Variants in ATP2C1 observed in about 807,000 individuals in gnomAD.
ATP2C1 encodes calcium-transporting ATPase type 2C member 1.
Under a neutral mutation model 120.5 loss-of-function variants are expected in ATP2C1, and 31 were observed. The observed-to-expected ratio is 0.26, with a 90% CI of 0.19 to 0.35. The LOEUF is 0.35. Among genes scored for constraint, ATP2C1 ranks in the 10% least tolerant of loss-of-function variants. The pLI, the probability that ATP2C1 is intolerant of heterozygous loss-of-function variation, is 1.00. For synonymous variants in ATP2C1, 351 were observed against 358.7 expected, an observed-to-expected ratio of 0.98 and a Z score of 0.24; for missense variants, 731 against 1,107.5, an observed-to-expected ratio of 0.66 and a Z score of 4.83.
intron 2 of ATP2C1, among the ~76,000 whole-genome samples, chr3:130,925,490 A>G (rs2059163608): frequency 6.6e-6 from 1 of 152,110 alleles, no homozygotes; most frequent in Admixed American, 6.5e-5. Context: ...TGGGGAGTGA[A>G]GTAGACTCTG....
intron 11 of ATP2C1, among the ~76,000 whole-genome samples, chr3:130,957,965 T>G (rs532947635): frequency 1.3e-5 from 2 of 152,348 alleles, no homozygotes; most frequent in African/African-American, 4.8e-5. Flanking sequence ...TTAGTTATTT[T>G]TGTTTTACTG....
intron 13 of ATP2C1, 110 bp from the exon 14 acceptor site, chr3:130,964,838 C>T: frequency 1.4e-6 from 1 of 715,134 alleles, no homozygotes; most frequent in Non-Finnish European, 2.4e-6. Context: ...AGTTTGATTT[C>T]TATAAAATTC....
intron 16 of ATP2C1, among the ~76,000 whole-genome samples, chr3:130,968,282 AG>A: frequency 6.6e-6 from 1 of 152,212 alleles, no homozygotes; most frequent in East Asian, 1.9e-4. Context: ...ATGCTTATAA[AG>A]ATATTAGTTT....
At chr3:130,923,317 C>T (rs867813529) in intron 2 of ATP2C1, among the ~76,000 whole-genome samples, 2 of 151,902 alleles carry the variant, frequency 1.3e-5, no homozygotes, top group African/African-American at 2.4e-5. Flanking sequence ...ACCTCTGCCT[C>T]CCAGGTTCAA....
chr3:130,930,183 T>C (rs2059393515), intron 2 of ATP2C1: 1 of 501,460 alleles, frequency 2.0e-6, no homozygotes, highest in African/African-American at 1.9e-5. Context: ...AATGTGAAAA[T>C]TTTGTGTTCT....
intron 1 of ATP2C1, among the ~76,000 whole-genome samples, chr3:130,887,667 A>G (rs2069021103): frequency 6.6e-6 from 1 of 151,926 alleles, no homozygotes; most frequent in African/African-American, 2.4e-5. Context: ...TTAAAGTTCA[A>G]AGGATCTTCA....
intron 2 of ATP2C1, among the ~76,000 whole-genome samples, chr3:130,920,405 A>G (rs2058899148): frequency 6.6e-6 from 1 of 152,094 alleles, no homozygotes; most frequent in African/African-American, 2.4e-5. Flanking sequence ...TTTTACATGT[A>G]GATATGAAGT....
chr3:130,922,991 T>A (rs1559927388), intron 2 of ATP2C1, among the ~76,000 whole-genome samples: 1 of 152,322 alleles, frequency 6.6e-6, no homozygotes, highest in East Asian at 1.9e-4. Flanking sequence ...TAGGGTATAG[T>A]CTTAAGTCCA....
At chr3:130,893,925 T>G (rs1576610685), upstream of ATP2C1, 1 of 985,636 alleles carries the variant, frequency 1.0e-6, no homozygotes, top group Non-Finnish European at 1.2e-6. Flanking sequence ...TCACTTCACT[T>G]CCGCCTTCCC....
At chr3:130,896,552 AT>A (rs1348260795) in intron 2 of ATP2C1, among the ~76,000 whole-genome samples, 1 of 152,168 alleles carries the variant, frequency 6.6e-6, no homozygotes, top group Non-Finnish European at 1.5e-5. Context: ...GACTGACCAT[AT>A]TAAACTACAT....
intron 19 of ATP2C1, 33 bp from the exon 20 acceptor site, chr3:130,980,549 G>A (rs201255762): frequency 6.6e-7 from 1 of 1,516,204 alleles, no homozygotes; most frequent in East Asian, 2.3e-5. Context: ...AAAACAATTT[G>A]GTTTATTACA....
chr3:130,967,331 C>T lies in ATP2C1; in HGVS notation c.1220C>T (p.Ala407Val), dbSNP rs201854784. 6.1e-5 allele frequency: 99 copies of T among 1,613,414 alleles called. No homozygotes were observed. Among genetic ancestry groups the T allele is most frequent in the African/African-American group, 3.1e-4 (23 of 74,918 alleles). The change falls in exon 16 of 28, where the codon GCG (alanine) becomes GTG (valine). Residue 407 changes from alanine to valine, a missense_variant and splice_region_variant. Ala to Val is a moderately conservative substitution (Grantham distance 64). Coordinates refer to ENST00000510168, the MANE Select transcript of ATP2C1 (RefSeq NM_001378687.1). ...YNPAVSRIVE[A>V]GCVCNDAVIR... is the part of the protein sequence containing the mutation. ...ATAGTTTATGTGTATTTTTCTTAGGCGGGCTGTGTGTGCAATGATGCTGTA... is the reference window on the plus strand; with the variant it reads ...ATAGTTTATGTGTATTTTTCTTAGGTGGGCTGTGTGTGCAATGATGCTGTA...
At chr3:130,867,068 G>T (rs1020009657) in intron 1 of ATP2C1, among the ~76,000 whole-genome samples, 1 of 152,116 alleles carries the variant, frequency 6.6e-6, no homozygotes, top group Admixed American at 6.5e-5. Context: ...GTTGTGGGGT[G>T]CCCTGAATCA....
chr3:130,901,467 G>A (rs1278172520), intron 2 of ATP2C1, among the ~76,000 whole-genome samples: 1 of 152,054 alleles, frequency 6.6e-6, no homozygotes, highest in African/African-American at 2.4e-5. Flanking sequence ...TGAAGGGTAG[G>A]GATGGATGAC....
chr3:130,916,244 C>CG (rs2058682430), intron 2 of ATP2C1, among the ~76,000 whole-genome samples: 2 of 83,030 alleles, frequency 2.4e-5, no homozygotes. Flanking sequence ...TGTCTCTACT[C>CG]AAAAAAAAAA....
intron 1 of ATP2C1, among the ~76,000 whole-genome samples, chr3:130,877,852 G>A (rs764478243): frequency 7.2e-5 from 11 of 151,950 alleles, no homozygotes; most frequent in Non-Finnish European, 1.3e-4. Flanking sequence ...TGTTTATTGC[G>A]GCACTATTCA....
chr3:130,965,081 T>C (rs1366556994), intron 14 of ATP2C1, 36 bp downstream of exon 14: 1 of 1,463,838 alleles, frequency 6.8e-7, no homozygotes, highest in Non-Finnish European at 9.6e-7. Context: ...ACAAAAACAG[T>C]ATCCCTTTAA....
rs756107296 is a variant in ATP2C1, at chr3:130,894,105, G to A, written c.-413G>A. On this transcript the variant is annotated 5_prime_UTR_variant, in exon 1 of 28. Transcript: ENST00000510168. The surrounding 1 kb of genome is among the most constrained non-coding windows in gnomAD (Gnocchi z 4.5). The stretch of plus-strand genomic sequence containing the variant: ...GAGCAGACCAGCACGGCCTCGCGGA[G>A]CCGGCCCGGCGGACCGTGACGGGTC... 3 of 974,608 alleles carry A rather than the reference G, an allele frequency of 3.1e-6. No homozygotes were observed. The highest frequency in any genetic ancestry group is 3.7e-6 in the Non-Finnish European group (3 of 820,202). 60.4% of individuals were successfully genotyped at this position (974,608 alleles called of 1,614,324 possible).
chr3:131,002,316 G>C lies in ATP2C1; in HGVS notation c.*966G>C. The C allele has an allele frequency of 2.0e-6, 2 of 984,000 alleles. No homozygotes were observed. Among genetic ancestry groups the C allele is most frequent in the Non-Finnish European group, 2.4e-6 (2 of 828,684 alleles). The allele number at this position is 984,000 out of a possible 1,614,324, so 61.0% of individuals were successfully genotyped here. A position where few individuals can be genotyped will look rare whatever the true frequency, so the allele number is the denominator to read the frequency against. On this transcript the variant is annotated 3_prime_UTR_variant, in exon 28 of 28. Transcript: ENST00000510168. ...TGTTTTTAATCATATTTCTTAGGAA[G>C]TATAGGCTACTGGACTTAGAATAAA...
Sources: gnomAD v4.1 joint callset for allele counts (sites outside exome capture counted in the v4.1 genomes callset) on GRCh38, gnomAD v4.1.1 for gene constraint, Gnocchi (gnomAD v3.1) non-coding constraint, MANE v1.5 for transcripts, NCBI Gene and HGNC (gene_info 2026-07-23, HGNC 2026-07-21) for gene names.